Variants in MRTFA observed in about 807,000 individuals in gnomAD.
The protein encoded by MRTFA is myocardin related transcription factor A.
In MRTFA, 20 loss-of-function variants were observed where a neutral mutation model predicts 83.5. The ratio of observed to expected loss-of-function variants is 0.24; its 90% confidence interval spans 0.17 to 0.35. The LOEUF (loss-of-function observed/expected upper bound fraction) is 0.35. MRTFA is among the 10% of genes least tolerant of loss of function. The pLI is 1.00. For synonymous variants in MRTFA, 659 were observed against 541.2 expected, an observed-to-expected ratio of 1.22 and a Z score of -3.02; for missense variants, 1,200 against 1,224.7, an observed-to-expected ratio of 0.98 and a Z score of 0.30.
intron 3 of MRTFA, among the ~76,000 whole-genome samples, chr22:40,483,192 CT>C (rs1175566568): frequency 2.0e-5 from 3 of 151,972 alleles, no homozygotes; most frequent in African/African-American, 7.3e-5. Context: ...TCCCAAATAG[CT>C]AGGACTGCAG....
chr22:40,411,665 C>A lies in MRTFA; in HGVS notation c.2821G>T (p.Asp941Tyr). ...CTCAGCATCTGGCTATGGAGGTCGTCAATGAGGGAAAGGGGCTCTGGCCCG... is the reference window on the plus strand; with the variant it reads ...CTCAGCATCTGGCTATGGAGGTCGTAAATGAGGGAAAGGGGCTCTGGCCCG... Residue 941 changes from aspartate to tyrosine, a missense_variant, in exon 15 of 15, where the codon GAC becomes TAC. This residue lies in a region of MRTFA where 1,107 missense variants were observed against 1,041.8 expected (regional missense o/e 1.06). Transcript: ENST00000355630. 1 of 1,610,306 alleles carries A rather than the reference C, an allele frequency of 6.2e-7. No individual in the cohort carries two copies. The highest frequency in any genetic ancestry group is 8.5e-7 in the Non-Finnish European group (1 of 1,178,008).
chr22:40,587,999 T>C (rs1032328038), intron 2 of MRTFA: 3 of 214,536 alleles, frequency 1.4e-5, no homozygotes, highest in Admixed American at 5.7e-5. Flanking sequence ...AGCACATCCA[T>C]GGGAAGGTGA....
At chr22:40,541,649 T>A (rs1484174593) in intron 3 of MRTFA, among the ~76,000 whole-genome samples, 1 of 146,726 alleles carries the variant, frequency 6.8e-6, no homozygotes, top group Admixed American at 6.7e-5. Flanking sequence ...AGCTGATGGC[T>A]GTGTGTGTGT....
At chr22:40,586,538 C>T (rs1569340595) in intron 2 of MRTFA, among the ~76,000 whole-genome samples, 1 of 152,176 alleles carries the variant, frequency 6.6e-6, no homozygotes, top group Non-Finnish European at 1.5e-5. Context: ...AAAATATGGC[C>T]TAATTCCCCT....
At chr22:40,507,570 C>G (rs531300624) in intron 3 of MRTFA, among the ~76,000 whole-genome samples, 2 of 151,114 alleles carry the variant, frequency 1.3e-5, no homozygotes, top group Non-Finnish European at 2.9e-5. Context: ...TGAGCTATGA[C>G]GGTGCCACTG....
At chr22:40,535,069 C>T (rs911834267) in intron 3 of MRTFA, among the ~76,000 whole-genome samples, 4 of 152,142 alleles carry the variant, frequency 2.6e-5, no homozygotes, top group African/African-American at 9.7e-5. Context: ...GCCAGAAAAG[C>T]TCTATATAGA....
chr22:40,418,352 G>A lies in MRTFA; in HGVS notation c.2364+22C>T, dbSNP rs199996677. 266 of 1,609,698 alleles carry A rather than the reference G, an allele frequency of 1.7e-4. No individual in the cohort carries two copies. In the African/African-American group the frequency reaches 2.8e-3, roughly 17 times the overall value. On this transcript the variant is annotated intron_variant, in intron 12 of 14. Coordinates refer to ENST00000355630, the MANE Select transcript of MRTFA (RefSeq NM_020831.6). ...TCCCACCCTCCTCTGGGCCCTGCCCGGTTCCTCCCATACCCAGGTACCTGC... is the reference window on the plus strand; with the variant it reads ...TCCCACCCTCCTCTGGGCCCTGCCCAGTTCCTCCCATACCCAGGTACCTGC...
intron 14 of MRTFA, chr22:40,412,561 T>C (rs996251055): frequency 3.3e-5 from 5 of 152,238 alleles, no homozygotes; most frequent in African/African-American, 1.2e-4. Flanking sequence ...CAGTAGAATG[T>C]GGAAGCAACC....
intron 4 of MRTFA, among the ~76,000 whole-genome samples, chr22:40,439,527 AAAAG>A (rs1355699144): frequency 1.3e-5 from 2 of 151,298 alleles, no homozygotes; most frequent in Non-Finnish European, 3.0e-5. Context: ...AAAAAAAAAA[AAAAG>A]AGACAGAAGA....
chr22:40,503,926 A>T (rs1016419538), intron 3 of MRTFA, among the ~76,000 whole-genome samples: 2 of 138,146 alleles, frequency 1.4e-5, no homozygotes, highest in African/African-American at 3.0e-5. Context: ...TCTCAAGTTT[A>T]AAAAAAAAAA....
At chr22:40,588,564 T>C (rs774251182) in intron 2 of MRTFA, among the ~76,000 whole-genome samples, 9 of 152,196 alleles carry the variant, frequency 5.9e-5, no homozygotes, top group Non-Finnish European at 1.2e-4. Context: ...CTGAAAAATT[T>C]AGTTGGTAAC....
rs777044012 is a variant in MRTFA at position 40,411,178 on chromosome 22, G to C, written c.*212C>G. ...TCCAAAACCCCAGCGTGAGAGCCAG[G>C]GCTGCTTCTTGACAGCTGCTCTCCT... On this transcript the variant is annotated 3_prime_UTR_variant, in exon 15 of 15. Transcript: ENST00000355630. 1.0e-4 allele frequency: 48 copies of C among 460,902 alleles called. No homozygotes were observed. Among genetic ancestry groups the C allele is most frequent in the Non-Finnish European group, 1.5e-4 (39 of 268,296 alleles). 28.6% of individuals were successfully genotyped at this position (460,902 alleles called of 1,614,324 possible).
At chr22:40,573,279 G>T (rs1407907493) in intron 2 of MRTFA, among the ~76,000 whole-genome samples, 1 of 152,158 alleles carries the variant, frequency 6.6e-6, no homozygotes, top group African/African-American at 2.4e-5. Context: ...TTTTGAGACT[G>T]AATCTTGCTC....
Position 40,420,874 on chromosome 22 carries a change from T to A in MRTFA, c.1154A>T (p.Tyr385Phe), listed in dbSNP as rs1250329302. The A allele has an allele frequency of 6.2e-7, 1 of 1,613,616 alleles. No homozygotes were observed. The highest frequency in any genetic ancestry group is 2.2e-5 in the East Asian group (1 of 44,872). The change falls in exon 10 of 15, where the codon TAC becomes TTC. Residue 385 changes from tyrosine to phenylalanine, a missense_variant. By Grantham distance (22) the Tyr-to-Phe change is conservative. Transcript: ENST00000355630. ...TGGCGGGGCAGGCAGGATGGCCTGG[T>A]AGTTGTGGTGCTGCTGCTGCTGCTG... is the stretch of plus-strand genomic sequence containing the variant.
intron 3 of MRTFA, among the ~76,000 whole-genome samples, chr22:40,521,068 GATA>G (rs553996847): frequency 5.3e-4 from 81 of 152,172 alleles, no homozygotes; most frequent in African/African-American, 1.9e-3. Flanking sequence ...TTCATTCTGA[GATA>G]ATTATAGATT....
chr22:40,442,486 C>T (rs2053294958), intron 4 of MRTFA, among the ~76,000 whole-genome samples: 1 of 152,138 alleles, frequency 6.6e-6, no homozygotes, highest in South Asian at 2.1e-4. Context: ...ATTTAACAAA[C>T]GAGGTAGAAA....
At chr22:40,447,536 G>A (rs1222400392) in intron 4 of MRTFA, among the ~76,000 whole-genome samples, 1 of 151,962 alleles carries the variant, frequency 6.6e-6, no homozygotes, top group African/African-American at 2.4e-5. Flanking sequence ...AAGAGTGGGT[G>A]GAAACACAGG....
chr22:40,603,593 C>A (rs977827300), intron 1 of MRTFA, among the ~76,000 whole-genome samples: 2 of 152,028 alleles, frequency 1.3e-5, no homozygotes, highest in African/African-American at 4.8e-5. Context: ...AGGAGACAAA[C>A]GGAATTTTTG....
intron 2 of MRTFA, among the ~76,000 whole-genome samples, chr22:40,573,656 A>C (rs1602448301): frequency 6.6e-6 from 1 of 152,002 alleles, no homozygotes; most frequent in African/African-American, 2.4e-5. Context: ...TAATTCCAGA[A>C]CTTTGGGAGG....
Sources: allele counts gnomAD v4.1 joint callset (sites outside exome capture counted in the v4.1 genomes callset), GRCh38; gene constraint gnomAD v4.1.1; regional missense constraint gnomAD v4.1.1; transcripts MANE v1.5; gene names NCBI Gene and HGNC (gene_info 2026-07-23, HGNC 2026-07-21).